The following ACVR1C variants were observed in gnomAD, a reference collection of about 807,000 sequenced individuals.
The protein encoded by ACVR1C is activin receptor type-1C.
A neutral mutation model predicts 57.9 loss-of-function variants in ACVR1C; 23 were observed. The ratio of observed to expected loss-of-function variants is 0.40; its 90% CI spans 0.29 to 0.56. The LOEUF (loss-of-function observed/expected upper bound fraction) is 0.56, where lower values mean the gene tolerates loss of function less well. Ranked by LOEUF, ACVR1C falls within the 20% of genes least tolerant of loss-of-function variation. The pLI is 0.50. For missense variants in ACVR1C, 480 were observed against 607.9 expected (o/e 0.79, Z 2.21); for synonymous variants, 214 against 215.3 (o/e 0.99, Z 0.05).
intron 2 of ACVR1C, among the ~76,000 whole-genome samples, chr2:157,584,005 A>T (rs1688853210): frequency 6.6e-6 from 1 of 152,092 alleles, no homozygotes; most frequent in Non-Finnish European, 1.5e-5. Flanking sequence ...TTTTAAAAAG[A>T]TAAATCAGAC....
At chr2:157,615,325 A>G (rs548133179) in intron 1 of ACVR1C, among the ~76,000 whole-genome samples, 8 of 151,796 alleles carry the variant, frequency 5.3e-5, no homozygotes, top group African/African-American at 1.9e-4. Context: ...ATACAAAAAA[A>G]AAAAAAAACA....
At chr2:157,552,161 G>C (rs1016807621) in intron 3 of ACVR1C, among the ~76,000 whole-genome samples, 3 of 152,042 alleles carry the variant, frequency 2.0e-5, no homozygotes, top group Non-Finnish European at 2.9e-5. Flanking sequence ...TTTTGAGATG[G>C]AGTCTTGCTC....
At chr2:157,550,021 A>T in intron 4 of ACVR1C, 141 bp downstream of exon 4, 1 of 759,894 alleles carries the variant, frequency 1.3e-6, no homozygotes, top group Non-Finnish European at 2.0e-6. Context: ...AAAAAAAGAA[A>T]GAAAAGGAAA....
At chr2:157,613,848 G>A (rs747166570) in intron 1 of ACVR1C, among the ~76,000 whole-genome samples, 1 of 152,060 alleles carries the variant, frequency 6.6e-6, no homozygotes, top group Non-Finnish European at 1.5e-5. Context: ...ACCTAGTTTA[G>A]GTTTCACTGT....
At chr2:157,575,150 C>T (rs1009804211) in intron 2 of ACVR1C, among the ~76,000 whole-genome samples, 17 of 144,068 alleles carry the variant, frequency 1.2e-4, no homozygotes, top group East Asian at 2.1e-4. Context: ...TTTTTTTTGA[C>T]GGAGTTTTGC....
intron 2 of ACVR1C, among the ~76,000 whole-genome samples, chr2:157,576,203 CTTT>C (rs10628650): frequency 5.1e-5 from 5 of 97,916 alleles, no homozygotes; most frequent in Admixed American, 1.3e-4. Flanking sequence ...ATAATCATTT[CTTT>C]TTTTTTTTTT....
intron 1 of ACVR1C, among the ~76,000 whole-genome samples, chr2:157,587,757 CA>C: frequency 6.6e-6 from 1 of 152,090 alleles, no homozygotes; most frequent in Non-Finnish European, 1.5e-5. Context: ...GAAACAGTAT[CA>C]CAGCAACCAA....
intron 4 of ACVR1C, among the ~76,000 whole-genome samples, chr2:157,549,414 T>C (rs907421442): frequency 6.6e-6 from 1 of 152,134 alleles, no homozygotes; most frequent in African/African-American, 2.4e-5. Context: ...CTAGACACCC[T>C]GATGCCTCCG....
In ACVR1C at chr2:157,527,698, C is replaced by T. The variant is rs925511785; in HGVS notation, c.*6220G>A. On this transcript the variant is annotated 3_prime_UTR_variant, in exon 9 of 9. Transcript: ENST00000243349. ...AGAATTTAATATTTTGGCTCAGATACTCTCATTTTGTATAAAGAGAAAAAA... is the reference window on the plus strand; with the variant it reads ...AGAATTTAATATTTTGGCTCAGATATTCTCATTTTGTATAAAGAGAAAAAA... The T allele has an allele frequency of 1.3e-5, 2 of 152,114 alleles. No homozygotes were observed. The highest frequency in any genetic ancestry group is 1.3e-4 in the Admixed American group (2 of 15,252). 9.4% of individuals were successfully genotyped at this position (152,114 alleles called of 1,614,324 possible). A position where few individuals can be genotyped will look rare whatever the true frequency, so the allele number is the denominator to read the frequency against.
Position 157,562,748 on chromosome 2 carries a change from G to A in ACVR1C, c.305-6416C>T, listed in dbSNP as rs140066616. On this transcript the variant is annotated intron_variant, in intron 2 of 8. Transcript: ENST00000243349. ...TAAAATACTGCTAAGCAAACCGGTA[G>A]CACATCAAAAAGTTTAACCATCACG... 2.4e-4 allele frequency among the ~76,000 whole-genome samples: 37 copies of A among 152,176 alleles called. No homozygotes were observed. The East Asian group carries it at 6.6e-3, about 27-fold the overall frequency.
At chr2:157,588,521 C>T (rs1688980514) in intron 1 of ACVR1C, among the ~76,000 whole-genome samples, 1 of 151,690 alleles carries the variant, frequency 6.6e-6, no homozygotes, top group Non-Finnish European at 1.5e-5. Context: ...TCTCAGCTTT[C>T]AGTGTACCCA....
At chr2:157,604,118 T>C (rs1363541241) in intron 1 of ACVR1C, among the ~76,000 whole-genome samples, 1 of 152,122 alleles carries the variant, frequency 6.6e-6, no homozygotes, top group Non-Finnish European at 1.5e-5. Flanking sequence ...CTTCTTAGTT[T>C]ATCTATAGGA....
intron 1 of ACVR1C, among the ~76,000 whole-genome samples, chr2:157,619,378 C>T (rs1682717121): frequency 6.6e-6 from 1 of 151,834 alleles, no homozygotes. Context: ...CACAATATCA[C>T]AATTTATGGA....
intron 2 of ACVR1C, among the ~76,000 whole-genome samples, chr2:157,584,316 G>A (rs962176858): frequency 2.0e-5 from 3 of 152,080 alleles, no homozygotes; most frequent in African/African-American, 7.2e-5. Flanking sequence ...AGGTTAGCCA[G>A]GATGGTCTCG....
chr2:157,620,745 T>C (rs528442578), intron 1 of ACVR1C, among the ~76,000 whole-genome samples: 2 of 152,298 alleles, frequency 1.3e-5, no homozygotes, highest in East Asian at 1.9e-4. Flanking sequence ...CATTTCTTTA[T>C]GTTGAGAACA....
At chr2:157,603,151 A>C (rs1335309777) in intron 1 of ACVR1C, among the ~76,000 whole-genome samples, 1 of 152,244 alleles carries the variant, frequency 6.6e-6, no homozygotes, top group African/African-American at 2.4e-5. Context: ...ACTTGAAAGC[A>C]GGGCTGTCCC....
At chr2:157,547,993 G>T (rs556778714) in intron 4 of ACVR1C, among the ~76,000 whole-genome samples, 49 of 152,120 alleles carry the variant, frequency 3.2e-4, no homozygotes, top group African/African-American at 1.1e-3. Flanking sequence ...ATTGATTTTT[G>T]TATAAGGTGT....
chr2:157,586,310 A>C (rs1203401146), intron 2 of ACVR1C, among the ~76,000 whole-genome samples: 2 of 152,098 alleles, frequency 1.3e-5, no homozygotes, highest in African/African-American at 4.8e-5. Context: ...ATAGGTAAAA[A>C]GTACTTTAGT....
At chr2:157,588,198 T>C (rs1688972767) in intron 1 of ACVR1C, among the ~76,000 whole-genome samples, 1 of 151,444 alleles carries the variant, frequency 6.6e-6, no homozygotes, top group African/African-American at 2.4e-5. Flanking sequence ...TAAACTAATC[T>C]GTTCACTGTC....
Sources: allele counts gnomAD v4.1 joint callset (sites outside exome capture counted in the v4.1 genomes callset), GRCh38; gene constraint gnomAD v4.1.1; transcripts MANE v1.5; gene names NCBI Gene and HGNC (gene_info 2026-07-23, HGNC 2026-07-21).